Variants in RAD54B observed in about 807,000 individuals in gnomAD.
RAD54B encodes RAD54 homolog B.
RAD54B carries 78 observed loss-of-function variants against 95.8 expected under a neutral mutation model. The ratio of observed to expected loss-of-function variants is 0.81; its 90% CI spans 0.68 to 0.98. RAD54B has a LOEUF of 0.98. Ranked by LOEUF, RAD54B falls within the 50% of genes least tolerant of loss-of-function variation. RAD54B has a pLI of 0.00. For missense variants in RAD54B, 957 were observed against 1,056.6 expected, an observed-to-expected ratio of 0.91 and a Z score of 1.31; for synonymous variants, 328 against 354.9, an observed-to-expected ratio of 0.92 and a Z score of 0.85.
At chr8:94,416,458 T>G (rs1468673959) in intron 3 of RAD54B, among the ~76,000 whole-genome samples, 2 of 151,514 alleles carry the variant, frequency 1.3e-5, no homozygotes, top group Non-Finnish European at 2.9e-5. Flanking sequence ...ATGGCACATG[T>G]ATACATATGT....
chr8:94,387,444 G>A (rs1810914810), intron 10 of RAD54B: 2 of 235,814 alleles, frequency 8.5e-6, no homozygotes, highest in South Asian at 1.7e-4. Context: ...CAGGAAGTAG[G>A]AGCAGACAAA....
At chr8:94,436,687 G>A (rs1280821436) in intron 3 of RAD54B, 4 of 1,550,524 alleles carry the variant, frequency 2.6e-6, no homozygotes, top group Non-Finnish European at 3.5e-6. Flanking sequence ...TGTTCGAGGA[G>A]GGCGGTCTAC....
At chr8:94,383,064 AG>A (rs535589965) in intron 11 of RAD54B, among the ~76,000 whole-genome samples, 1 of 152,138 alleles carries the variant, frequency 6.6e-6, no homozygotes, top group East Asian at 1.9e-4. Context: ...TGGGAGGCCA[AG>A]GGGGGTGGGT....
chr8:94,429,480 A>G (rs1285599903), intron 3 of RAD54B: 2 of 982,592 alleles, frequency 2.0e-6, no homozygotes, highest in Non-Finnish European at 2.4e-6. Flanking sequence ...GATTTGCTGT[A>G]AAAGCCAACA....
chr8:94,400,052 T>G (rs1210424107), intron 7 of RAD54B, among the ~76,000 whole-genome samples, 186 bp downstream of exon 7: 1 of 152,174 alleles, frequency 6.6e-6, no homozygotes, highest in Non-Finnish European at 1.5e-5. Context: ...TATTGAAAGT[T>G]AGGGTTTCAA....
chr8:94,411,337 A>G (rs1811525769), intron 3 of RAD54B, 22 bp from the exon 4 acceptor site: 1 of 1,533,260 alleles, frequency 6.5e-7, no homozygotes, highest in Admixed American at 2.5e-5. Flanking sequence ...AAAAAAACAC[A>G]CATTATTAAA....
At chr8:94,464,025 CA>C (rs1443498379) in intron 2 of RAD54B, among the ~76,000 whole-genome samples, 3 of 151,878 alleles carry the variant, frequency 2.0e-5, no homozygotes, top group Non-Finnish European at 4.4e-5. Context: ...CCCAAATGAC[CA>C]TTAACTAATG....
chr8:94,374,011 G>A (rs1810504638), intron 14 of RAD54B, among the ~76,000 whole-genome samples: 1 of 152,118 alleles, frequency 6.6e-6, no homozygotes, highest in Non-Finnish European at 1.5e-5. Context: ...CGGGCGCAGT[G>A]GCTCACGCCT....
chr8:94,392,669 C>G (rs1811049545), intron 9 of RAD54B, among the ~76,000 whole-genome samples: 1 of 151,696 alleles, frequency 6.6e-6, no homozygotes, highest in Non-Finnish European at 1.5e-5. Flanking sequence ...GTGATCTCAG[C>G]TCACTACAAC....
At chr8:94,384,632 T>C (rs1810826457) in intron 11 of RAD54B, among the ~76,000 whole-genome samples, 1 of 152,198 alleles carries the variant, frequency 6.6e-6, no homozygotes, top group Non-Finnish European at 1.5e-5. Context: ...TACAGAATTA[T>C]ACATAAAAAA....
rs1811080694 is a variant in RAD54B at position 94,393,873 on chromosome 8, AT to A, written c.1387del (p.Ile463PhefsTer11). ...EKRIILTGTP[I>X]QNDLQEFFAL... ...AAAAAATTCTTGCAGATCATTCTGA[AT>A]TGGAGTACCTAAAGAGAGACAAAAA... On this transcript the variant is annotated frameshift_variant, in exon 9 of 15. Coordinates refer to ENST00000336148, the MANE Select transcript of RAD54B (RefSeq NM_012415.3). LOFTEE classifies it high-confidence loss of function. The A allele has an allele frequency of 6.2e-7, 1 of 1,605,196 alleles. No homozygotes were observed. Among genetic ancestry groups the A allele is most frequent in the Admixed American group, 1.7e-5 (1 of 58,022 alleles).
intron 3 of RAD54B, chr8:94,428,797 A>G (rs1812008422): frequency 1.2e-5 from 12 of 985,236 alleles, no homozygotes; most frequent in Non-Finnish European, 1.4e-5. Flanking sequence ...GTCCTCAACA[A>G]AAACTGCTAA....
intron 3 of RAD54B, among the ~76,000 whole-genome samples, chr8:94,412,897 A>T (rs1055090252): frequency 4.6e-5 from 7 of 152,224 alleles, no homozygotes; most frequent in African/African-American, 7.2e-5. Flanking sequence ...TGCAAAAATC[A>T]ACTGTATTCT....
At chr8:94,388,362 CTTACT>C (rs1256247773) in intron 10 of RAD54B, among the ~76,000 whole-genome samples, 1 of 152,054 alleles carries the variant, frequency 6.6e-6, no homozygotes, top group Non-Finnish European at 1.5e-5. Flanking sequence ...CTTTTTATAG[CTTACT>C]TTAGTGTAAA....
rs142557333 is a variant in RAD54B, at chr8:94,474,301, C to T, written c.-17+700G>A. On this transcript the variant is annotated intron_variant, in intron 1 of 14. Coordinates refer to ENST00000336148, the MANE Select transcript of RAD54B (RefSeq NM_012415.3). ...GTGACAGGATCAATCGTATCCAAAC[C>T]TCAGCACCACGTAATATACCGATGC... 8.9e-4 allele frequency among the ~76,000 whole-genome samples: 135 copies of T among 152,272 alleles called. 1 individual carries two copies. Among genetic ancestry groups the T allele is most frequent in the African/African-American group, 2.4e-5 (1 of 41,552 alleles).
chr8:94,422,651 T>TATATATATATATAA (rs556821145), intron 3 of RAD54B, among the ~76,000 whole-genome samples: 8 of 88,904 alleles, frequency 9.0e-5, no homozygotes, highest in Non-Finnish European at 4.4e-5. Context: ...TATATATATA[T>TATATATATATATAA]ATAAAATTAT....
chr8:94,466,578 T>C (rs567247144), intron 2 of RAD54B, among the ~76,000 whole-genome samples: 2 of 152,200 alleles, frequency 1.3e-5, no homozygotes, highest in African/African-American at 4.8e-5. Context: ...CGGCTAGTTT[T>C]TGTATTTTTA....
intron 3 of RAD54B, among the ~76,000 whole-genome samples, chr8:94,448,629 A>G (rs1407906755): frequency 6.6e-6 from 1 of 151,882 alleles, no homozygotes; most frequent in Non-Finnish European, 1.5e-5. Flanking sequence ...ACATTATGCT[A>G]AATGAATTAA....
Position 94,390,040 on chromosome 8 carries a change from C to T in RAD54B, c.1809+1569G>A, listed in dbSNP as rs576582742. Among the ~76,000 whole-genome samples, 55 of 152,202 alleles carry T rather than the reference C, an allele frequency of 3.6e-4. No homozygotes were observed. The South Asian group carries it at 6.8e-3, about 19-fold the overall frequency. ...TGATTTTTATCACTGTATATAGAAT[C>T]AGTTTTTTTTAAGTTGCGGCTGGGC... On this transcript the variant is annotated intron_variant, in intron 10 of 14. Coordinates refer to ENST00000336148, the MANE Select transcript of RAD54B (RefSeq NM_012415.3).
Sources: gnomAD v4.1 joint callset for allele counts (sites outside exome capture counted in the v4.1 genomes callset) on GRCh38, gnomAD v4.1.1 for gene constraint, MANE v1.5 for transcripts, NCBI Gene and HGNC (gene_info 2026-07-23, HGNC 2026-07-21) for gene names.